RPGRIP1L: variants seen among roughly 807,000 people sequenced by gnomAD.
RPGRIP1L encodes RPGRIP1 like, also known as protein fantom.
In RPGRIP1L, 131 loss-of-function variants were observed where a neutral mutation model predicts 160.4. The ratio of observed to expected loss-of-function variants is 0.82; its 90% CI spans 0.71 to 0.94. RPGRIP1L has a LOEUF of 0.94. RPGRIP1L is among the 40% of genes least tolerant of loss of function. The probability of loss-of-function intolerance (pLI) is 0.00; values close to 1 mark genes in which losing one functional copy is unlikely to be tolerated. For synonymous variants in RPGRIP1L, 510 were observed against 515.8 expected, an observed-to-expected ratio of 0.99 and a Z score of 0.15; for missense variants, 1,522 against 1,535.8, an observed-to-expected ratio of 0.99 and a Z score of 0.15.
In RPGRIP1L at chr16:53,599,740, C is replaced by T. The variant is rs1385773293; in HGVS notation, c.*2336G>A. 1 of 152,132 alleles carries T rather than the reference C, an allele frequency of 6.6e-6. No individual in the cohort carries two copies. The highest frequency in any genetic ancestry group is 1.5e-5 in the Non-Finnish European group (1 of 68,018). 9.4% of individuals were successfully genotyped at this position (152,132 alleles called of 1,614,324 possible). ...AAGGTGGTAAGCTTTTCAATGGCCT[C>T]CAGTTACCACAAGATAAAACAAACA... is the stretch of plus-strand genomic sequence containing the variant. On this transcript the variant is annotated 3_prime_UTR_variant, in exon 27 of 27. Coordinates refer to ENST00000647211, the MANE Select transcript of RPGRIP1L (RefSeq NM_015272.5).
At chr16:53,648,294 A>G (rs1348095542) in intron 16 of RPGRIP1L, among the ~76,000 whole-genome samples, 3 of 152,118 alleles carry the variant, frequency 2.0e-5, no homozygotes, top group Non-Finnish European at 4.4e-5. Flanking sequence ...TTTAAATTCC[A>G]AGTTCCCAGA....
intron 24 of RPGRIP1L, among the ~76,000 whole-genome samples, chr16:53,613,721 C>T (rs1041922606): frequency 1.9e-4 from 29 of 152,194 alleles, no homozygotes; most frequent in Non-Finnish European, 3.5e-4. Context: ...AGTTGGCCAA[C>T]ATGCTATATT....
In RPGRIP1L at chr16:53,671,187, G is replaced by C. The variant is rs557471963; in HGVS notation, c.1103+323C>G. ...GGAATTTGTAATACATACATTTCAG[G>C]GTGCTGTGAACAATTTATAACAATA... On this transcript the variant is annotated intron_variant, in intron 9 of 26. Coordinates refer to ENST00000647211, the MANE Select transcript of RPGRIP1L (RefSeq NM_015272.5). 2.0e-5 allele frequency among the ~76,000 whole-genome samples: 3 copies of C among 152,024 alleles called. No individual in the cohort carries two copies. In the East Asian group the frequency reaches 5.8e-4, roughly 29 times the overall value.
intron 24 of RPGRIP1L, among the ~76,000 whole-genome samples, chr16:53,613,608 T>C (rs926322894): frequency 2.0e-5 from 3 of 152,200 alleles, no homozygotes; most frequent in Admixed American, 6.5e-5. Context: ...TAAGCCACCA[T>C]GACTGGCCCA....
chr16:53,603,628 G>A (rs1024293343), intron 26 of RPGRIP1L, among the ~76,000 whole-genome samples: 1 of 151,520 alleles, frequency 6.6e-6, no homozygotes, highest in African/African-American at 2.4e-5. Flanking sequence ...ACCACACCTG[G>A]CTTAGTTTCC....
At chr16:53,650,865 C>T (rs1966847418) in intron 15 of RPGRIP1L, among the ~76,000 whole-genome samples, 1 of 152,210 alleles carries the variant, frequency 6.6e-6, no homozygotes, top group South Asian at 2.1e-4. Context: ...GCTTTTCCTC[C>T]TCTTCCTGAA....
intron 16 of RPGRIP1L, among the ~76,000 whole-genome samples, chr16:53,647,609 A>C (rs1966645270): frequency 6.6e-6 from 1 of 152,208 alleles, no homozygotes; most frequent in Admixed American, 6.5e-5. Context: ...TAGTTATAAT[A>C]GGGTGGGGAG....
At chr16:53,622,846 A>ACACACAC (rs1964828247) in intron 22 of RPGRIP1L, among the ~76,000 whole-genome samples, 1 of 113,202 alleles carries the variant, frequency 8.8e-6, no homozygotes, top group African/African-American at 5.1e-5. Context: ...CACACACACA[A>ACACACAC]ATAGCCAGGC....
intron 9 of RPGRIP1L, among the ~76,000 whole-genome samples, chr16:53,665,950 T>A (rs1968214470): frequency 6.6e-6 from 1 of 152,140 alleles, no homozygotes; most frequent in Non-Finnish European, 1.5e-5. Context: ...CTGATCTTGA[T>A]CTGAATTTCA....
intron 22 of RPGRIP1L, among the ~76,000 whole-genome samples, chr16:53,632,620 C>T (rs111462578): frequency 5.9e-5 from 9 of 152,244 alleles, no homozygotes; most frequent in South Asian, 2.1e-4. Context: ...GAGGCCTCAA[C>T]GCTCTGGATT....
At chr16:53,697,036 A>G (rs1049057548) in intron 2 of RPGRIP1L, among the ~76,000 whole-genome samples, 2 of 152,130 alleles carry the variant, frequency 1.3e-5, no homozygotes, top group African/African-American at 4.8e-5. Flanking sequence ...TCTACTAAAA[A>G]TACGAAACTT....
chr16:53,671,521 T>C lies in RPGRIP1L; in HGVS notation c.1092A>G (p.Lys364=), dbSNP rs766514324. ...GAATCACGATTTACCTGTCATAAAG[T>C]TTATCATAGTTTTCCTTTAAAAGTT... ...ERELLKENYD[K]LYDSAFSAAH... Residue 364 remains lysine, a synonymous_variant, in exon 9 of 27, where the codon AAA becomes AAG. Coordinates refer to ENST00000647211, the MANE Select transcript of RPGRIP1L (RefSeq NM_015272.5). 1.3e-6 allele frequency: 2 copies of C among 1,573,690 alleles called. No homozygotes were observed. The highest frequency in any genetic ancestry group is 2.2e-5 in the South Asian group (2 of 89,884).
At chr16:53,697,934 C>T (rs888140466) in intron 2 of RPGRIP1L, among the ~76,000 whole-genome samples, 3 of 151,762 alleles carry the variant, frequency 2.0e-5, no homozygotes, top group South Asian at 2.1e-4. Context: ...TCTTCCCGGC[C>T]GCCATCCCAT....
chr16:53,698,752 T>G (rs1404590938), intron 2 of RPGRIP1L, among the ~76,000 whole-genome samples: 1 of 144,432 alleles, frequency 6.9e-6, no homozygotes, highest in Admixed American at 6.8e-5. Flanking sequence ...AGCCGCCCCG[T>G]CTGGGAGGGA....
intron 6 of RPGRIP1L, among the ~76,000 whole-genome samples, chr16:53,679,477 C>A (rs777344436): frequency 6.6e-6 from 1 of 151,920 alleles, no homozygotes; most frequent in Non-Finnish European, 1.5e-5. Context: ...TCTCGGCTCA[C>A]TGCACCCTCT....
At chr16:53,699,712 G>C (rs1239216820) in intron 2 of RPGRIP1L, among the ~76,000 whole-genome samples, 2 of 151,938 alleles carry the variant, frequency 1.3e-5, no homozygotes, top group Admixed American at 1.3e-4. Flanking sequence ...CAGCTACATG[G>C]CAGGCTGAGG....
chr16:53,618,329 G>A (rs930604502), intron 24 of RPGRIP1L, among the ~76,000 whole-genome samples: 1 of 152,172 alleles, frequency 6.6e-6, no homozygotes, highest in Admixed American at 6.5e-5. Flanking sequence ...ACATTGATCA[G>A]AAAGGTAGAC....
At chr16:53,644,999 C>T (rs1443087601) in intron 17 of RPGRIP1L, among the ~76,000 whole-genome samples, 6 of 152,008 alleles carry the variant, frequency 3.9e-5, no homozygotes, top group Non-Finnish European at 8.8e-5. Context: ...CTGCATACAA[C>T]AATAATTGTT....
At chr16:53,656,683 G>A in intron 13 of RPGRIP1L, 94 bp from the exon 14 acceptor site, 2 of 905,474 alleles carry the variant, frequency 2.2e-6, no homozygotes, top group South Asian at 1.3e-5. Flanking sequence ...CTAGATCCTG[G>A]AAATAGTAGG....
Sources: gnomAD v4.1 joint callset for allele counts (sites outside exome capture counted in the v4.1 genomes callset) on GRCh38, gnomAD v4.1.1 for gene constraint, MANE v1.5 for transcripts, NCBI Gene and HGNC (gene_info 2026-07-23, HGNC 2026-07-21) for gene names.